The following ZFAND3 variants were observed in gnomAD, a reference collection of about 807,000 sequenced individuals.
The protein encoded by ZFAND3 is AN1-type zinc finger protein 3.
In ZFAND3, 10 loss-of-function variants were observed where a neutral mutation model predicts 29.6. That is an observed-to-expected ratio of 0.34 (90% CI 0.21 to 0.57). The LOEUF (loss-of-function observed/expected upper bound fraction) is 0.57, where lower values mean the gene tolerates loss of function less well. Ranked by LOEUF, ZFAND3 falls within the 20% of genes least tolerant of loss-of-function variation. The pLI is 0.86. For synonymous variants in ZFAND3, 128 were observed against 112.6 expected (o/e 1.14, Z -0.87); for missense variants, 230 against 304.5 (o/e 0.76, Z 1.82).
chr6:38,106,417 C>T (rs1195334254), intron 4 of ZFAND3, among the ~76,000 whole-genome samples: 5 of 152,052 alleles, frequency 3.3e-5, no homozygotes, highest in African/African-American at 9.7e-5. Flanking sequence ...CCCAAAGTGC[C>T]GGGATTACAG....
chr6:38,129,291 G>A (rs531323322), intron 5 of ZFAND3, among the ~76,000 whole-genome samples: 18 of 152,296 alleles, frequency 1.2e-4, no homozygotes, highest in African/African-American at 3.8e-4. Flanking sequence ...TTACTATGGT[G>A]ACTGTTCCTT....
chr6:38,109,875 G>A (rs1472367732), intron 4 of ZFAND3, among the ~76,000 whole-genome samples: 1 of 152,114 alleles, frequency 6.6e-6, no homozygotes, highest in Non-Finnish European at 1.5e-5. Context: ...GATGATAAGA[G>A]TTGGCCCCAG....
intron 1 of ZFAND3, among the ~76,000 whole-genome samples, chr6:37,853,403 G>A (rs1026882803): frequency 7.8e-6 from 1 of 127,522 alleles, no homozygotes; most frequent in African/African-American, 3.3e-5. Flanking sequence ...CAGCCCTTCT[G>A]AGCCTCAAGA....
chr6:38,020,028 C>T lies in ZFAND3; in HGVS notation c.113-41565C>T, dbSNP rs535603376. Among the ~76,000 whole-genome samples the T allele has an allele frequency of 5.9e-5, 9 of 152,330 alleles. No homozygotes were observed. The South Asian group carries it at 1.4e-3, about 25-fold the overall frequency. On this transcript the variant is annotated intron_variant, in intron 2 of 5. Transcript: ENST00000287218. ...AGCCACCACACCCAGCCTCAAAACA[C>T]TATTTTGGCCTTCTCATAATGCCTT...
chr6:38,042,251 T>A (rs1763804489), intron 2 of ZFAND3, among the ~76,000 whole-genome samples: 1 of 152,110 alleles, frequency 6.6e-6, no homozygotes, highest in Admixed American at 6.5e-5. Context: ...AATCACACTT[T>A]TGGCCATTTT....
chr6:37,825,932 T>A (rs1763752269), intron 1 of ZFAND3, among the ~76,000 whole-genome samples: 1 of 152,204 alleles, frequency 6.6e-6, no homozygotes, highest in African/African-American at 2.4e-5. Context: ...AGGGAGGTTC[T>A]GTCCATGCAA....
At chr6:37,964,118 TAAAAC>T (rs1427543806) in intron 2 of ZFAND3, among the ~76,000 whole-genome samples, 2 of 152,160 alleles carry the variant, frequency 1.3e-5, no homozygotes, top group Non-Finnish European at 2.9e-5. Flanking sequence ...TCCTGCAAAA[TAAAAC>T]AAATCTTTGA....
chr6:38,037,433 A>G (rs1454773808), intron 2 of ZFAND3, among the ~76,000 whole-genome samples: 1 of 152,348 alleles, frequency 6.6e-6, no homozygotes, highest in African/African-American at 2.4e-5. Flanking sequence ...CTAATTTAAC[A>G]AGCATTATAA....
rs568756507 is a variant in ZFAND3, at chr6:38,014,237, AAGAG to A, written c.113-47348_113-47345del. On this transcript the variant is annotated intron_variant, in intron 2 of 5. Transcript: ENST00000287218. ...AAAACTTTTTAAAAGTTTTGTTAAA[AAGAG>A]AGAGAGAATTTGTTAACACAGATAA... 5.3e-4 allele frequency among the ~76,000 whole-genome samples: 80 copies of A among 152,214 alleles called. No homozygotes were observed. The South Asian group carries it at 6.8e-3, about 13-fold the overall frequency.
intron 3 of ZFAND3, among the ~76,000 whole-genome samples, chr6:38,073,881 G>T (rs1294485253): frequency 6.6e-6 from 1 of 152,180 alleles, no homozygotes; most frequent in Non-Finnish European, 1.5e-5. Context: ...AGCAGAAATG[G>T]AATGTCTTGG....
intron 4 of ZFAND3, 146 bp from the exon 5 acceptor site, chr6:38,116,426 C>T: frequency 3.3e-6 from 3 of 905,800 alleles, no homozygotes; most frequent in Non-Finnish European, 3.4e-6. Flanking sequence ...GCAGTATAAA[C>T]CAAGCAAGTC....
In ZFAND3 at chr6:37,910,839, C is replaced by T. The variant is rs566509065; in HGVS notation, c.72-19120C>T. 2.0e-5 allele frequency among the ~76,000 whole-genome samples: 3 copies of T among 152,272 alleles called. No individual in the cohort carries two copies. The South Asian group carries it at 6.2e-4, about 32-fold the overall frequency. ...TGGCTTATTTCACTTAACATGATGT[C>T]CTCCAGGTTCATCCAGGTTTTTACA... is the stretch of plus-strand genomic sequence containing the variant. On this transcript the variant is annotated intron_variant, in intron 1 of 5. Transcript: ENST00000287218.
In ZFAND3 at chr6:37,924,690, G is replaced by A. The variant is rs537999558; in HGVS notation, c.72-5269G>A. Among the ~76,000 whole-genome samples the A allele has an allele frequency of 2.0e-5, 3 of 151,682 alleles. No homozygotes were observed. In the South Asian group the frequency reaches 6.3e-4, roughly 32 times the overall value. On this transcript the variant is annotated intron_variant, in intron 1 of 5. Coordinates refer to ENST00000287218, the MANE Select transcript of ZFAND3 (RefSeq NM_021943.3). Reference sequence around the variant, plus strand: ...TCTTTACAAAAAATAATGGACTGATGTGTGCCTAGAGTCTTATCTGCTTGG... The same window carrying A: ...TCTTTACAAAAAATAATGGACTGATATGTGCCTAGAGTCTTATCTGCTTGG...
intron 2 of ZFAND3, among the ~76,000 whole-genome samples, chr6:37,938,159 G>A (rs1761737663): frequency 6.6e-6 from 1 of 152,058 alleles, no homozygotes; most frequent in Admixed American, 6.6e-5. Flanking sequence ...TGTTTAAATG[G>A]TATTTTGTAC....
At chr6:37,979,858 C>T (rs934357424) in intron 2 of ZFAND3, among the ~76,000 whole-genome samples, 2 of 152,194 alleles carry the variant, frequency 1.3e-5, no homozygotes, top group African/African-American at 2.4e-5. Flanking sequence ...CCTCAACTTA[C>T]CACATCTGCT....
At chr6:38,109,167 T>C (rs12211887) in intron 4 of ZFAND3, among the ~76,000 whole-genome samples, 2,724 of 149,614 alleles carry the variant, frequency 0.018, 34 homozygotes, top group Non-Finnish European at 0.028. Flanking sequence ...CTGTTGGACT[T>C]GCTGCCATGA....
At chr6:37,987,725 G>T (rs774447241) in intron 2 of ZFAND3, among the ~76,000 whole-genome samples, 12 of 152,204 alleles carry the variant, frequency 7.9e-5, no homozygotes, top group Non-Finnish European at 1.5e-4. Flanking sequence ...AATCAGGATG[G>T]AGAGAGGGGA....
At chr6:38,095,798 G>A (rs1056249766) in intron 4 of ZFAND3, among the ~76,000 whole-genome samples, 2 of 152,152 alleles carry the variant, frequency 1.3e-5, no homozygotes, top group African/African-American at 2.4e-5. Context: ...TTGGGAGGTG[G>A]AGGTGGGTGG....
At chr6:38,040,114 G>A (rs1763731520) in intron 2 of ZFAND3, among the ~76,000 whole-genome samples, 1 of 152,012 alleles carries the variant, frequency 6.6e-6, no homozygotes, top group Admixed American at 6.5e-5. Context: ...TTATAAGCCT[G>A]CATTTTCTAC....
Sources: allele counts gnomAD v4.1 joint callset (sites outside exome capture counted in the v4.1 genomes callset), GRCh38; gene constraint gnomAD v4.1.1; transcripts MANE v1.5; gene names NCBI Gene and HGNC (gene_info 2026-07-23, HGNC 2026-07-21).